Variants in CDH13 observed in about 807,000 individuals in gnomAD.
CDH13 encodes the protein cadherin-13.
Under a neutral mutation model 63.8 loss-of-function variants are expected in CDH13, and 24 were observed. That is an observed-to-expected ratio of 0.38 (90% confidence interval 0.27 to 0.53). CDH13 has a LOEUF of 0.53. CDH13 is among the 20% of genes least tolerant of loss of function. CDH13 has a pLI of 0.85. For missense variants in CDH13, 1,049 were observed against 903.1 expected (o/e 1.16, Z -2.07); for synonymous variants, 503 against 355.3 (o/e 1.42, Z -4.67).
chr16:82,883,406 C>G (rs565001325), intron 2 of CDH13, among the ~76,000 whole-genome samples: 2 of 152,186 alleles, frequency 1.3e-5, no homozygotes, highest in African/African-American at 2.4e-5. Flanking sequence ...CCTGGGGGAA[C>G]GTGTGCAAAT....
chr16:82,890,812 C>T (rs1383519023), intron 2 of CDH13, among the ~76,000 whole-genome samples: 5 of 152,050 alleles, frequency 3.3e-5, no homozygotes, highest in Non-Finnish European at 7.4e-5. Context: ...CCACCACGCC[C>T]AGCTAATTTT....
intron 7 of CDH13, among the ~76,000 whole-genome samples, chr16:83,576,159 C>G (rs1371833579): frequency 6.6e-6 from 1 of 152,210 alleles, no homozygotes; most frequent in African/African-American, 2.4e-5. Context: ...GCCTCTCCCA[C>G]TTCTTCCTCC....
At chr16:82,711,883 C>G (rs1398913331) in intron 1 of CDH13, among the ~76,000 whole-genome samples, 1 of 152,150 alleles carries the variant, frequency 6.6e-6, no homozygotes, top group East Asian at 1.9e-4. Context: ...CATATTAGTT[C>G]CATTTAACAG....
intron 2 of CDH13, among the ~76,000 whole-genome samples, chr16:82,926,379 G>A (rs527808656): frequency 6.6e-6 from 1 of 152,104 alleles, no homozygotes; most frequent in Non-Finnish European, 1.5e-5. Flanking sequence ...TCGCACCCCT[G>A]TGCCTGTTTT....
chr16:82,782,673 A>G (rs767067986), intron 1 of CDH13, among the ~76,000 whole-genome samples: 36 of 152,250 alleles, frequency 2.4e-4, no homozygotes, highest in Non-Finnish European at 4.7e-4. Flanking sequence ...CAGACACTTA[A>G]TTATGCATCT....
intron 4 of CDH13, among the ~76,000 whole-genome samples, chr16:83,215,015 G>A (rs2039454170): frequency 6.9e-6 from 1 of 145,464 alleles, no homozygotes; most frequent in Non-Finnish European, 1.5e-5. Flanking sequence ...GTATCAGTTG[G>A]ATTAATCAAG....
chr16:82,913,227 T>A (rs28653062), intron 2 of CDH13, among the ~76,000 whole-genome samples: 3,442 of 152,206 alleles, frequency 0.023, 117 homozygotes, highest in African/African-American at 0.078. Flanking sequence ...AGTTTACCTA[T>A]TTTTTCCAAA....
intron 2 of CDH13, among the ~76,000 whole-genome samples, chr16:82,924,350 C>T (rs1325039613): frequency 1.3e-5 from 2 of 152,086 alleles, no homozygotes; most frequent in African/African-American, 4.8e-5. Context: ...TAAAAGTCAA[C>T]ATAATGTTAA....
intron 2 of CDH13, among the ~76,000 whole-genome samples, chr16:82,994,827 C>T (rs1221160512): frequency 6.6e-6 from 1 of 152,138 alleles, no homozygotes; most frequent in Non-Finnish European, 1.5e-5. Context: ...TTTCAGACCA[C>T]TATTAATACC....
rs558186102 is a variant in CDH13, at chr16:83,380,872, G to C, written c.781+35866G>C. On this transcript the variant is annotated intron_variant, in intron 6 of 13. Transcript: ENST00000567109. ...CCTTTAATTAAGGAAAAAGAGAAGA[G>C]TGTATATTAGGAAGTAACTAGCAGC... Among the ~76,000 whole-genome samples, 6 of 150,906 alleles carry C rather than the reference G, an allele frequency of 4.0e-5. No homozygotes were observed. The South Asian group carries it at 1.3e-3, about 32-fold the overall frequency.
rs534757352 is a variant in CDH13 at position 82,662,447 on chromosome 16, A to G, written c.45+35310A>G. ...TATGTGATGAAAACTGATGAAAATG[A>G]TTGAGAAACATGAACAGAGGGTTTT... On this transcript the variant is annotated intron_variant, in intron 1 of 13. Transcript: ENST00000567109. 3.9e-5 allele frequency among the ~76,000 whole-genome samples: 6 copies of G among 152,352 alleles called. No homozygotes were observed. The South Asian group carries it at 1.0e-3, about 26-fold the overall frequency.
At chr16:83,101,851 G>A (rs2034493902) in intron 3 of CDH13, among the ~76,000 whole-genome samples, 1 of 152,170 alleles carries the variant, frequency 6.6e-6, no homozygotes, top group South Asian at 2.1e-4. Context: ...GGTGACTTGT[G>A]AGGAAAGGTC....
At chr16:83,660,273 G>T (rs1182119235) in intron 8 of CDH13, among the ~76,000 whole-genome samples, 1 of 152,082 alleles carries the variant, frequency 6.6e-6, no homozygotes, top group Non-Finnish European at 1.5e-5. Flanking sequence ...AGAACCAGTG[G>T]GATCCCTGAG....
intron 7 of CDH13, among the ~76,000 whole-genome samples, chr16:83,580,912 G>A (rs921736862): frequency 2.6e-5 from 4 of 152,208 alleles, no homozygotes; most frequent in African/African-American, 9.7e-5. Flanking sequence ...GTTGGTTGCT[G>A]AGCAGAAGAG....
At chr16:83,140,990 C>A (rs2036506886) in intron 4 of CDH13, among the ~76,000 whole-genome samples, 1 of 152,186 alleles carries the variant, frequency 6.6e-6, no homozygotes, top group South Asian at 2.1e-4. Context: ...TTTTCACATC[C>A]ATTCTCATTT....
At chr16:83,242,484 A>G (rs1474290189) in intron 5 of CDH13, among the ~76,000 whole-genome samples, 1 of 152,190 alleles carries the variant, frequency 6.6e-6, no homozygotes, top group Non-Finnish European at 1.5e-5. Context: ...ACATAGGCCA[A>G]GTTTTTCTAA....
intron 7 of CDH13, among the ~76,000 whole-genome samples, chr16:83,505,852 C>T (rs2074383491): frequency 6.6e-6 from 1 of 152,146 alleles, no homozygotes; most frequent in South Asian, 2.1e-4. Context: ...TTGTGAGCTG[C>T]AGATATGATG....
At chr16:83,622,380 G>T (rs1051200158) in intron 8 of CDH13, among the ~76,000 whole-genome samples, 2 of 152,304 alleles carry the variant, frequency 1.3e-5, no homozygotes, top group East Asian at 3.9e-4. Context: ...CGAAATGAGA[G>T]AAATCAGGCC....
chr16:83,419,697 T>G (rs897962902), intron 6 of CDH13, among the ~76,000 whole-genome samples: 4 of 152,232 alleles, frequency 2.6e-5, no homozygotes, highest in Non-Finnish European at 5.9e-5. Context: ...GTGACTTCCC[T>G]GACAAGTTGC....
Sources: allele counts gnomAD v4.1 joint callset (sites outside exome capture counted in the v4.1 genomes callset), GRCh38; gene constraint gnomAD v4.1.1; transcripts MANE v1.5; gene names NCBI Gene and HGNC (gene_info 2026-07-23, HGNC 2026-07-21).